SYN3: variants seen among roughly 807,000 people sequenced by gnomAD.
The protein encoded by SYN3 is synapsin-3.
SYN3 carries 35 observed loss-of-function variants against 65.8 expected under a neutral mutation model. That is an observed-to-expected ratio of 0.53 (90% confidence interval 0.41 to 0.70). SYN3 has a LOEUF of 0.70. Ranked by LOEUF, SYN3 falls within the 30% of genes least tolerant of loss-of-function variation. SYN3 has a pLI of 0.00. For synonymous variants in SYN3, 270 were observed against 292.9 expected, an observed-to-expected ratio of 0.92 and a Z score of 0.80; for missense variants, 680 against 749.0, an observed-to-expected ratio of 0.91 and a Z score of 1.08.
chr22:32,711,714 G>A (rs2060968783), intron 6 of SYN3, among the ~76,000 whole-genome samples: 1 of 152,166 alleles, frequency 6.6e-6, no homozygotes, highest in Non-Finnish European at 1.5e-5. Context: ...CAACACTCCT[G>A]GGTATCATCC....
At chr22:32,550,540 T>G (rs767025001) in intron 7 of SYN3, among the ~76,000 whole-genome samples, 9 of 152,034 alleles carry the variant, frequency 5.9e-5, no homozygotes, top group Admixed American at 2.0e-4. Flanking sequence ...ACCCAAGATT[T>G]TTAAATATAA....
At chr22:32,716,228 T>G (rs16991082) in intron 6 of SYN3, among the ~76,000 whole-genome samples, 7,671 of 152,196 alleles carry the variant, frequency 0.05, 204 homozygotes, top group Middle Eastern at 0.061. Context: ...ACCTCATCCC[T>G]TCCTGTCTGT....
chr22:32,519,714 G>C (rs796973073), intron 12 of SYN3: 1 of 152,268 alleles, frequency 6.6e-6, no homozygotes, highest in South Asian at 2.1e-4. Context: ...TCAAATTCTG[G>C]GTGTCAGGGC....
At chr22:32,529,772 G>A (rs370379366) in intron 10 of SYN3, among the ~76,000 whole-genome samples, 5 of 152,168 alleles carry the variant, frequency 3.3e-5, no homozygotes, top group Non-Finnish European at 5.9e-5. Context: ...ACAGCTGGCC[G>A]CGTCACCCTC....
intron 4 of SYN3, among the ~76,000 whole-genome samples, chr22:32,874,201 G>A (rs188331198): frequency 1.3e-5 from 2 of 152,212 alleles, no homozygotes; most frequent in African/African-American, 2.4e-5. Flanking sequence ...TCTTCCTGCC[G>A]TAGAGCCCCA....
intron 4 of SYN3, among the ~76,000 whole-genome samples, chr22:32,901,876 T>A (rs1014505366): frequency 4.6e-5 from 7 of 152,238 alleles, no homozygotes; most frequent in Non-Finnish European, 1.5e-5. Context: ...TGGTTTGAGC[T>A]GGGCCAGCCT....
chr22:33,023,351 G>A (rs1037920961), intron 1 of SYN3, among the ~76,000 whole-genome samples: 5 of 152,170 alleles, frequency 3.3e-5, no homozygotes, highest in African/African-American at 4.8e-5. Context: ...TTTTATAAAA[G>A]GGGAGTTCCC....
chr22:32,616,882 G>A (rs1416121792), intron 6 of SYN3, among the ~76,000 whole-genome samples: 1 of 152,192 alleles, frequency 6.6e-6, no homozygotes, highest in African/African-American at 2.4e-5. Context: ...TCATGCAGGA[G>A]TGTGCCCAAC....
At chr22:32,939,031 A>C (rs1052567268) in intron 3 of SYN3, among the ~76,000 whole-genome samples, 1 of 152,234 alleles carries the variant, frequency 6.6e-6, no homozygotes, top group African/African-American at 2.4e-5. Flanking sequence ...CTCTTCAGAC[A>C]GAAGGACAAT....
intron 6 of SYN3, among the ~76,000 whole-genome samples, chr22:32,725,736 C>A (rs1457486062): frequency 6.6e-6 from 1 of 152,188 alleles, no homozygotes; most frequent in Non-Finnish European, 1.5e-5. Context: ...ACCAGCCCTG[C>A]TGACCCAGTT....
intron 4 of SYN3, among the ~76,000 whole-genome samples, chr22:32,873,685 C>T (rs1477869960): frequency 1.3e-5 from 2 of 152,144 alleles, no homozygotes; most frequent in Admixed American, 6.5e-5. Context: ...TGTATCTGAG[C>T]TCTGAAAGAC....
intron 6 of SYN3, among the ~76,000 whole-genome samples, chr22:32,783,451 A>T (rs1197650935): frequency 3.3e-5 from 5 of 152,216 alleles, no homozygotes; most frequent in Non-Finnish European, 7.3e-5. Context: ...TTTTTCTGAA[A>T]GTTTGTGAAT....
intron 6 of SYN3, among the ~76,000 whole-genome samples, chr22:32,664,531 G>A (rs1351667567): frequency 6.8e-6 from 1 of 146,508 alleles, no homozygotes; most frequent in Non-Finnish European, 1.5e-5. Context: ...GGTGATATCT[G>A]AGATTTTGGT....
intron 6 of SYN3, among the ~76,000 whole-genome samples, chr22:32,810,666 G>A (rs879138994): frequency 2.0e-5 from 3 of 152,186 alleles, no homozygotes; most frequent in African/African-American, 2.4e-5. Context: ...GCACAGGGCC[G>A]CCTGGCTGCC....
intron 6 of SYN3, among the ~76,000 whole-genome samples, chr22:32,703,153 A>C (rs1210615536): frequency 1.3e-5 from 2 of 152,218 alleles, no homozygotes; most frequent in African/African-American, 4.8e-5. Flanking sequence ...ACTATTTAAT[A>C]CATGTGATTT....
intron 6 of SYN3, chr22:32,860,897 G>A (rs1198431610): frequency 6.9e-6 from 1 of 144,166 alleles, no homozygotes; most frequent in Non-Finnish European, 1.5e-5. Flanking sequence ...GCAACCAGTT[G>A]TAGGGTTTCT....
At chr22:32,923,929 A>C (rs1444166569) in intron 4 of SYN3, among the ~76,000 whole-genome samples, 1 of 150,858 alleles carries the variant, frequency 6.6e-6, no homozygotes, top group Non-Finnish European at 1.5e-5. Context: ...CTTATAAATG[A>C]GAACATGTGG....
chr22:32,735,091 A>G (rs1602015702), intron 6 of SYN3, among the ~76,000 whole-genome samples: 1 of 152,172 alleles, frequency 6.6e-6, no homozygotes, highest in Non-Finnish European at 1.5e-5. Flanking sequence ...CACTGCCACC[A>G]ATGGGTTCTT....
chr22:32,997,409 G>T (rs2052912630), intron 2 of SYN3, among the ~76,000 whole-genome samples: 1 of 152,176 alleles, frequency 6.6e-6, no homozygotes, highest in South Asian at 2.1e-4. Context: ...GCCACACACT[G>T]AAGCAGTAGC....
Sources: allele counts gnomAD v4.1 joint callset (sites outside exome capture counted in the v4.1 genomes callset), GRCh38; gene constraint gnomAD v4.1.1; transcripts MANE v1.5; gene names NCBI Gene and HGNC (gene_info 2026-07-23, HGNC 2026-07-21).